KCTD1: variants seen among roughly 807,000 people sequenced by gnomAD.
KCTD1 encodes potassium channel tetramerization domain containing 1.
In KCTD1, 24 loss-of-function variants were observed where a neutral mutation model predicts 66.0. The ratio of observed to expected loss-of-function variants is 0.36; its 90% CI spans 0.26 to 0.51. The LOEUF is 0.51. Ranked by LOEUF, KCTD1 falls within the 20% of genes least tolerant of loss-of-function variation. KCTD1 has a pLI of 0.95. For synonymous variants in KCTD1, 511 were observed against 517.2 expected, an observed-to-expected ratio of 0.99 and a Z score of 0.16; for missense variants, 943 against 1,205.2, an observed-to-expected ratio of 0.78 and a Z score of 3.22.
chr18:26,472,712 T>C (rs1981136045), intron 3 of KCTD1, among the ~76,000 whole-genome samples: 1 of 152,222 alleles, frequency 6.6e-6, no homozygotes, highest in African/African-American at 2.4e-5. Context: ...GTTGGACTAG[T>C]GGCCAGTCAC....
chr18:26,465,875 G>A (rs1980699869), intron 3 of KCTD1, among the ~76,000 whole-genome samples: 1 of 152,158 alleles, frequency 6.6e-6, no homozygotes, highest in African/African-American at 2.4e-5. Flanking sequence ...AATATCCTTG[G>A]GAGGAGAAAA....
intron 2 of KCTD1, among the ~76,000 whole-genome samples, chr18:26,498,269 A>T (rs1447114439): frequency 6.6e-6 from 1 of 152,128 alleles, no homozygotes; most frequent in African/African-American, 2.4e-5. Context: ...CAGAAAGCAG[A>T]GGGCAAGTCT....
chr18:26,481,950 A>G (rs1219393712), intron 2 of KCTD1, among the ~76,000 whole-genome samples: 1 of 152,226 alleles, frequency 6.6e-6, no homozygotes, highest in East Asian at 1.9e-4. Flanking sequence ...GCAAGTCAAC[A>G]TCAATTGAGA....
intron 1 of KCTD1, among the ~76,000 whole-genome samples, chr18:26,565,390 C>T (rs939662913): frequency 6.6e-6 from 1 of 152,176 alleles, no homozygotes; most frequent in South Asian, 2.1e-4. Flanking sequence ...ATCTCCCTTT[C>T]TGTTTTTAAA....
intron 1 of KCTD1, among the ~76,000 whole-genome samples, chr18:26,582,817 A>T (rs1204875895): frequency 1.5e-4 from 22 of 147,256 alleles, no homozygotes; most frequent in Admixed American, 4.1e-4. Flanking sequence ...TTTTTTTTTT[A>T]AAAGGATTTA....
rs554179883 is a variant in KCTD1, at chr18:26,459,379, G to A, written c.2439+241C>T. The A allele has an allele frequency of 2.2e-4, 100 of 457,432 alleles. 1 individual carries two copies. The highest frequency in any genetic ancestry group is 1.6e-3 in the South Asian group (37 of 23,144). 28.3% of individuals were successfully genotyped at this position (457,432 alleles called of 1,614,324 possible). ...GCTGGGACTATAGGCGTGTGCCACCGTGCCCAGCTGTCGTGTTCTATATCT... is the reference window on the plus strand; with the variant it reads ...GCTGGGACTATAGGCGTGTGCCACCATGCCCAGCTGTCGTGTTCTATATCT... On this transcript the variant is annotated intron_variant, in intron 4 of 4. Coordinates refer to ENST00000580059, the MANE Select transcript of KCTD1 (RefSeq NM_001142730.3).
intron 1 of KCTD1, among the ~76,000 whole-genome samples, chr18:26,588,694 G>A (rs563479360): frequency 1.2e-3 from 190 of 152,234 alleles, no homozygotes; most frequent in African/African-American, 4.4e-3. Flanking sequence ...AGAAGGAGGC[G>A]CCAACTTGGG....
intron 2 of KCTD1, among the ~76,000 whole-genome samples, chr18:26,482,365 C>CT (rs986067091): frequency 8.5e-5 from 13 of 152,120 alleles, no homozygotes; most frequent in Admixed American, 8.5e-4. Flanking sequence ...CCTGAGGTTC[C>CT]TTTCAAACTG....
At chr18:26,514,549 CAAAAAAAA>C (rs200444964) in intron 1 of KCTD1, among the ~76,000 whole-genome samples, 130 of 121,822 alleles carry the variant, frequency 1.1e-3, no homozygotes, top group Admixed American at 2.6e-3. Flanking sequence ...GACCTTGTCT[CAAAAAAAA>C]AAAAAAAAAA....
intron 1 of KCTD1, among the ~76,000 whole-genome samples, chr18:26,573,442 C>T (rs1986155459): frequency 6.6e-6 from 1 of 152,086 alleles, no homozygotes; most frequent in Non-Finnish European, 1.5e-5. Flanking sequence ...TTAAAAAAAT[C>T]GTGATGCTGC....
intron 3 of KCTD1, among the ~76,000 whole-genome samples, chr18:26,467,376 T>C (rs937490780): frequency 6.6e-6 from 1 of 151,872 alleles, no homozygotes; most frequent in Non-Finnish European, 1.5e-5. Flanking sequence ...ACTAGCTGAG[T>C]GTGGTGGTGC....
intron 1 of KCTD1, among the ~76,000 whole-genome samples, chr18:26,536,069 G>T (rs913390576): frequency 2.0e-5 from 3 of 151,474 alleles, no homozygotes; most frequent in East Asian, 1.9e-4. Flanking sequence ...CCCTTGGAAT[G>T]AAATCACATA....
At chr18:26,485,524 C>A (rs1405612653) in intron 2 of KCTD1, among the ~76,000 whole-genome samples, 1 of 152,218 alleles carries the variant, frequency 6.6e-6, no homozygotes, top group Non-Finnish European at 1.5e-5. Context: ...TCACCTGGGC[C>A]TGTTCTCTGA....
At chr18:26,513,971 T>C (rs1046122555) in intron 1 of KCTD1, among the ~76,000 whole-genome samples, 7 of 152,230 alleles carry the variant, frequency 4.6e-5, no homozygotes, top group Non-Finnish European at 1.0e-4. Context: ...TTGCCTCCAC[T>C]GGCAGGAGAA....
rs185592985 is a variant in KCTD1, at chr18:26,502,270, T to C, written c.1810-1020A>G. Among the ~76,000 whole-genome samples the C allele has an allele frequency of 3.5e-4, 53 of 152,242 alleles. No homozygotes were observed. In the East Asian group the frequency reaches 5.4e-3, roughly 16 times the overall value. ...TTCACCGTGTTAGCCAGGATGGTCT[T>C]GATCTCCTGACCTCGTGATCCGCCC... On this transcript the variant is annotated intron_variant, in intron 1 of 4. Transcript: ENST00000580059.
upstream of KCTD1, among the ~76,000 whole-genome samples, chr18:26,550,565 G>GACACACAGACACACACACAC (rs372123383): frequency 1.4e-5 from 2 of 140,490 alleles, no homozygotes; most frequent in East Asian, 2.2e-4. This position sits in a 1 kb window ranked among gnomAD's most constrained non-coding sequence, Gnocchi z 5.4. Flanking sequence ...AAGACACACA[G>GACACACAGACACACACACAC]ACACACACAC....
chr18:26,611,109 T>C (rs1987128026), intron 1 of KCTD1, among the ~76,000 whole-genome samples: 1 of 152,222 alleles, frequency 6.6e-6, no homozygotes, highest in African/African-American at 2.4e-5. Context: ...CTTGAGGTTG[T>C]CCCACATCTC....
intron 1 of KCTD1, among the ~76,000 whole-genome samples, chr18:26,627,495 T>C (rs912325989): frequency 6.6e-6 from 1 of 152,198 alleles, no homozygotes; most frequent in African/African-American, 2.4e-5. Context: ...AACATCATTT[T>C]AAATGACAAT....
At chr18:26,540,392 G>C (rs1984920388) in intron 1 of KCTD1, among the ~76,000 whole-genome samples, 1 of 152,182 alleles carries the variant, frequency 6.6e-6, no homozygotes, top group African/African-American at 2.4e-5. Context: ...AAACCTTCCA[G>C]GGTTCACTGC....
Sources: gnomAD v4.1 joint callset for allele counts (sites outside exome capture counted in the v4.1 genomes callset) on GRCh38, gnomAD v4.1.1 for gene constraint, Gnocchi (gnomAD v3.1) non-coding constraint, MANE v1.5 for transcripts, NCBI Gene and HGNC (gene_info 2026-07-23, HGNC 2026-07-21) for gene names.